Variants in CSMD1 observed in about 807,000 individuals in gnomAD.
The protein encoded by CSMD1 is CUB and sushi domain-containing protein 1.
CSMD1 carries 213 observed loss-of-function variants against 417.5 expected under a neutral mutation model. The ratio of observed to expected loss-of-function variants is 0.51; its 90% CI spans 0.46 to 0.57. CSMD1 has a LOEUF of 0.57. Ranked by LOEUF, CSMD1 falls within the 20% of genes least tolerant of loss-of-function variation. CSMD1 has a pLI of 0.00. For missense variants in CSMD1, 6,923 were observed against 4,529.7 expected (o/e 1.53, Z -15.17); for synonymous variants, 2,862 against 1,736.8 (o/e 1.65, Z -16.11).
intron 6 of CSMD1, among the ~76,000 whole-genome samples, chr8:3,743,984 C>G (rs189844128): frequency 6.6e-6 from 1 of 152,174 alleles, no homozygotes; most frequent in Non-Finnish European, 1.5e-5. Flanking sequence ...TCTTCCCCTA[C>G]CCCCGTTACA....
chr8:4,701,698 T>G (rs934246196), intron 1 of CSMD1, among the ~76,000 whole-genome samples: 8 of 152,064 alleles, frequency 5.3e-5, no homozygotes, highest in Admixed American at 6.5e-5. Context: ...AAAAAAAAAG[T>G]AGAGTGGTGA....
At chr8:2,962,756 C>T (rs917350270) in intron 60 of CSMD1, 117 bp from the exon 61 acceptor site, 75 of 1,129,742 alleles carry the variant, frequency 6.6e-5, no homozygotes, top group South Asian at 8.2e-5. Flanking sequence ...ACAAGAAAAA[C>T]GCTAAAAGGA....
chr8:3,984,228 C>T (rs1271861545), intron 5 of CSMD1, among the ~76,000 whole-genome samples: 1 of 152,222 alleles, frequency 6.6e-6, no homozygotes, highest in African/African-American at 2.4e-5. Context: ...ACAGTGAAGC[C>T]ATCCTGCAAA....
At chr8:3,357,448 G>C (rs1313202344) in intron 21 of CSMD1, among the ~76,000 whole-genome samples, 1 of 152,242 alleles carries the variant, frequency 6.6e-6, no homozygotes, top group Non-Finnish European at 1.5e-5. Context: ...GCCTGAAGCA[G>C]TGCCTAGTCT....
chr8:4,007,102 T>C lies in CSMD1; in HGVS notation c.611-8992A>G, dbSNP rs571935694. Among the ~76,000 whole-genome samples, 36 of 152,108 alleles carry C rather than the reference T, an allele frequency of 2.4e-4. No homozygotes were observed. In the South Asian group the frequency reaches 7.3e-3, roughly 31 times the overall value. ...ATCCAGCCACCTCGGCCTCCCAAAG[T>C]TTTGGTATTACAGGTGTCAGCCACC... On this transcript the variant is annotated intron_variant, in intron 4 of 69. Coordinates refer to ENST00000635120, the MANE Select transcript of CSMD1 (RefSeq NM_033225.6).
intron 25 of CSMD1, among the ~76,000 whole-genome samples, chr8:3,289,355 C>T (rs1803383037): frequency 6.8e-6 from 1 of 147,286 alleles, no homozygotes; most frequent in African/African-American, 2.7e-5. Context: ...AATGGGATGG[C>T]TGGGTCAAAT....
intron 55 of CSMD1, among the ~76,000 whole-genome samples, chr8:2,977,472 T>C (rs761501195): frequency 5.3e-5 from 8 of 152,230 alleles, no homozygotes. Flanking sequence ...ACGGTGTGTA[T>C]GTACCACGTT....
intron 1 of CSMD1, among the ~76,000 whole-genome samples, chr8:4,775,957 A>G (rs981820370): frequency 4.6e-5 from 7 of 152,220 alleles, no homozygotes; most frequent in Non-Finnish European, 8.8e-5. Flanking sequence ...GGAGTCCATG[A>G]CCAACATTAA....
chr8:4,088,041 C>T (rs1563107386), intron 3 of CSMD1, among the ~76,000 whole-genome samples: 2 of 152,144 alleles, frequency 1.3e-5, no homozygotes, highest in East Asian at 1.9e-4. Context: ...GACACTCCCC[C>T]AGCACCATGA....
chr8:4,772,807 C>T (rs1017296180), intron 1 of CSMD1, among the ~76,000 whole-genome samples: 1 of 152,124 alleles, frequency 6.6e-6, no homozygotes, highest in Non-Finnish European at 1.5e-5. Context: ...CATCTAATTT[C>T]GGATACTAAC....
intron 1 of CSMD1, among the ~76,000 whole-genome samples, chr8:4,761,060 A>G (rs1051713368): frequency 3.9e-5 from 6 of 152,144 alleles, no homozygotes; most frequent in African/African-American, 1.4e-4. Flanking sequence ...GCCCAGAGTG[A>G]TTATTAGCAG....
chr8:4,941,243 CTT>C (rs1454496464), intron 1 of CSMD1, among the ~76,000 whole-genome samples: 7 of 148,644 alleles, frequency 4.7e-5, no homozygotes, highest in South Asian at 2.2e-4. Context: ...TTGTAACACT[CTT>C]TTGTTGTTTC....
chr8:4,615,081 G>C (rs1475299023), intron 2 of CSMD1, among the ~76,000 whole-genome samples: 1 of 152,148 alleles, frequency 6.6e-6, no homozygotes, highest in Non-Finnish European at 1.5e-5. Flanking sequence ...TCTACAAACT[G>C]ATATAATCTA....
intron 2 of CSMD1, among the ~76,000 whole-genome samples, chr8:4,457,989 C>T (rs1056713535): frequency 2.0e-5 from 3 of 152,140 alleles, no homozygotes; most frequent in African/African-American, 4.8e-5. Context: ...GTGGCACTTC[C>T]CCTGAGAGGT....
chr8:3,342,321 T>G (rs113159927), intron 23 of CSMD1, among the ~76,000 whole-genome samples: 1,636 of 152,274 alleles, frequency 0.011, 21 homozygotes, highest in African/African-American at 0.037. Flanking sequence ...TTGCAGGACC[T>G]TTTTTGCCTA....
chr8:4,575,511 G>A (rs952304219), intron 2 of CSMD1, among the ~76,000 whole-genome samples: 1 of 152,108 alleles, frequency 6.6e-6, no homozygotes. Flanking sequence ...TCCTCCAGAG[G>A]CATCACCAGA....
At chr8:4,451,697 T>C (rs1375034615) in intron 2 of CSMD1, among the ~76,000 whole-genome samples, 2 of 152,124 alleles carry the variant, frequency 1.3e-5, no homozygotes, top group Non-Finnish European at 2.9e-5. Flanking sequence ...ATATCAGTTC[T>C]TCCAGGCAAA....
At chr8:4,016,769 G>C (rs552686700) in intron 4 of CSMD1, among the ~76,000 whole-genome samples, 15 of 152,330 alleles carry the variant, frequency 9.8e-5, no homozygotes, top group East Asian at 7.7e-4. Flanking sequence ...GTTGACCTAA[G>C]TTTATGTGTA....
At chr8:3,242,159 G>A in intron 26 of CSMD1, among the ~76,000 whole-genome samples, 1 of 151,952 alleles carries the variant, frequency 6.6e-6, no homozygotes, top group East Asian at 1.9e-4. Context: ...GTAAATTGCT[G>A]GGCAGGTGGG....
Sources: allele counts gnomAD v4.1 joint callset (sites outside exome capture counted in the v4.1 genomes callset), GRCh38; gene constraint gnomAD v4.1.1; transcripts MANE v1.5; gene names NCBI Gene and HGNC (gene_info 2026-07-23, HGNC 2026-07-21).